Variants in ZNF638 observed in about 807,000 individuals in gnomAD.
ZNF638 encodes the protein zinc finger protein 638, also known as CTCL tumor antigen se33-1.
ZNF638 carries 46 observed loss-of-function variants against 195.6 expected under a neutral mutation model. The ratio of observed to expected loss-of-function variants is 0.24; its 90% CI spans 0.19 to 0.30. The LOEUF is 0.30. ZNF638 is among the 10% of genes least tolerant of loss of function. The pLI is 1.00. For synonymous variants in ZNF638, 845 were observed against 772.0 expected (o/e 1.09, Z -1.57); for missense variants, 2,440 against 2,325.3 (o/e 1.05, Z -1.01).
Position 71,355,714 on chromosome 2 carries a change from A to AAT in ZNF638, c.1318-3_1318-2dup, listed in dbSNP as rs1558838066. Reference sequence around the variant, plus strand: ...AATTTCAACACTTTTCTCCTTTTACAATAGGATTGGATTCAGCATCAAAAT... The same window carrying AAT: ...AATTTCAACACTTTTCTCCTTTTACAATATAGGATTGGATTCAGCATCAAAAT... On this transcript the variant is annotated splice_polypyrimidine_tract_variant and splice_region_variant and intron_variant, in intron 2 of 27. Transcript: ENST00000264447. 1 of 1,579,572 alleles carries AAT rather than the reference A, an allele frequency of 6.3e-7. No homozygotes were observed. Among genetic ancestry groups the AAT allele is most frequent in the Admixed American group, 1.8e-5 (1 of 55,650 alleles).
chr2:71,375,126 T>C (rs527608676), intron 8 of ZNF638: 1 of 152,338 alleles, frequency 6.6e-6, no homozygotes, highest in Admixed American at 6.5e-5. Context: ...GAGTAACCTA[T>C]CATCCTAGTT....
chr2:71,370,063 G>GT (rs1363584313), intron 8 of ZNF638, 58 bp downstream of exon 8: 10 of 1,554,038 alleles, frequency 6.4e-6, no homozygotes, highest in Non-Finnish European at 7.8e-6. Context: ...TAACTTTTTT[G>GT]TTTAAGTATG....
chr2:71,336,419 T>G (rs17692517), intron 1 of ZNF638, among the ~76,000 whole-genome samples: 70,853 of 147,960 alleles, frequency 0.48, 18,533 homozygotes, highest in Admixed American at 0.61. Flanking sequence ...ACACAAGTGC[T>G]TGTTAAACAA....
At chr2:71,336,207 A>G (rs543940606) in intron 1 of ZNF638, among the ~76,000 whole-genome samples, 28 of 152,246 alleles carry the variant, frequency 1.8e-4, no homozygotes, top group Middle Eastern at 3.4e-3. Flanking sequence ...CCCCGTCTCT[A>G]CTAAAAATAC....
chr2:71,401,612 G>A (rs2080006709), intron 15 of ZNF638, among the ~76,000 whole-genome samples: 1 of 151,886 alleles, frequency 6.6e-6, no homozygotes, highest in African/African-American at 2.4e-5. Flanking sequence ...ACTTGAACCT[G>A]GGAGACAGAG....
intron 8 of ZNF638, among the ~76,000 whole-genome samples, chr2:71,371,679 A>ATT (rs34316027): frequency 3.8e-5 from 5 of 133,150 alleles, no homozygotes; most frequent in African/African-American, 1.1e-4. Context: ...TCTTTTGCCC[A>ATT]TTTTTTTTTT....
chr2:71,351,807 A>T (rs1410602658), intron 2 of ZNF638, among the ~76,000 whole-genome samples: 2 of 152,188 alleles, frequency 1.3e-5, no homozygotes, highest in Admixed American at 1.3e-4. Flanking sequence ...TGCTCCCAAG[A>T]CATTTAAAAC....
intron 8 of ZNF638, among the ~76,000 whole-genome samples, chr2:71,372,182 A>G (rs1462703303): frequency 6.6e-6 from 1 of 152,110 alleles, no homozygotes; most frequent in Non-Finnish European, 1.5e-5. Context: ...CCAGCCCACT[A>G]GCTCTAATCC....
At chr2:71,363,813 AT>A in intron 4 of ZNF638, 140 bp from the exon 5 acceptor site, 1 of 992,370 alleles carries the variant, frequency 1.0e-6, no homozygotes, top group Non-Finnish European at 1.4e-6. Context: ...TAACAAACAG[AT>A]TTTTGTTTTA....
chr2:71,365,978 C>T lies in ZNF638; in HGVS notation c.1995+272C>T, dbSNP rs1256589727. Among the ~76,000 whole-genome samples, 6 of 152,274 alleles carry T rather than the reference C, an allele frequency of 3.9e-5. No individual in the cohort carries two copies. The East Asian group carries it at 1.2e-3, about 29-fold the overall frequency. ...AGGCAGTCCTTCCACGTCAGCTTCCCTAAGTGCATGAGCCACTATGCCTGG... is the reference window on the plus strand; with the variant it reads ...AGGCAGTCCTTCCACGTCAGCTTCCTTAAGTGCATGAGCCACTATGCCTGG... On this transcript the variant is annotated intron_variant, in intron 6 of 27. Coordinates refer to ENST00000264447, the MANE Select transcript of ZNF638 (RefSeq NM_014497.5).
chr2:71,355,782 T>C lies in ZNF638; in HGVS notation c.1379+2T>C. 6.4e-7 allele frequency: 1 copy of C among 1,568,472 alleles called. No individual in the cohort carries two copies. Among genetic ancestry groups the C allele is most frequent in the South Asian group, 1.2e-5 (1 of 85,388 alleles). ...GAGCTGTCGACAGTTACGTCAACAG[T>C]AAGAATATATTTTTCCTTTATTATA... On this transcript the variant is annotated splice_donor_variant, in intron 3 of 27. Coordinates refer to ENST00000264447, the MANE Select transcript of ZNF638 (RefSeq NM_014497.5). LOFTEE classifies it high-confidence loss of function.
chr2:71,398,075 G>A (rs567829766), intron 11 of ZNF638, among the ~76,000 whole-genome samples: 7 of 152,096 alleles, frequency 4.6e-5, no homozygotes, highest in Non-Finnish European at 7.4e-5. Flanking sequence ...TAGTAATTTT[G>A]CTTCTAGTTG....
At chr2:71,377,966 A>G (rs967432232) in intron 8 of ZNF638, among the ~76,000 whole-genome samples, 1 of 152,218 alleles carries the variant, frequency 6.6e-6, no homozygotes, top group Admixed American at 6.5e-5. Context: ...TTCAAGTGGA[A>G]TCCTAAGGTG....
Position 71,423,988 on chromosome 2 carries a change from G to A in ZNF638, c.4474G>A (p.Glu1492Lys), listed in dbSNP as rs756219040. ...DYRDITKQSQ[E>K]TEARPSIMKR... Reference sequence around the variant, plus strand: ...CAGAGATATAACAAAACAATCTCAGGAAACAGAGGCTAGACCTTCCATCAT... The same window carrying A: ...CAGAGATATAACAAAACAATCTCAGAAAACAGAGGCTAGACCTTCCATCAT... The change falls in exon 22 of 28, where the codon GAA becomes AAA. Residue 1492 changes from glutamate (E) to lysine (K), a missense_variant. Glu to Lys is a moderately conservative substitution (Grantham distance 56, BLOSUM62 1). Around this residue, in one of 5 missense-constraint regions of ZNF638, gnomAD observed 1,883 missense variants for 1,739.1 expected, o/e 1.08. Coordinates refer to ENST00000264447, the MANE Select transcript of ZNF638 (RefSeq NM_014497.5). 4 of 1,613,916 alleles carry A rather than the reference G, an allele frequency of 2.5e-6. No homozygotes were observed. Among genetic ancestry groups the A allele is most frequent in the Non-Finnish European group, 8.5e-7 (1 of 1,179,998 alleles).
At chr2:71,343,279 CATGTT>C (rs1189094854) in intron 1 of ZNF638, among the ~76,000 whole-genome samples, 2 of 152,138 alleles carry the variant, frequency 1.3e-5, no homozygotes, top group Non-Finnish European at 2.9e-5. Flanking sequence ...TGGTGACTGT[CATGTT>C]AGGCTCTCAG....
intron 1 of ZNF638, among the ~76,000 whole-genome samples, chr2:71,342,391 C>T (rs1244363293): frequency 6.6e-6 from 1 of 152,074 alleles, no homozygotes; most frequent in Non-Finnish European, 1.5e-5. Flanking sequence ...CCACCACCGC[C>T]CCTTGCCCCA....
Position 71,365,577 on chromosome 2 carries a change from T to C in ZNF638, c.1866T>C (p.Pro622=), listed in dbSNP as rs992309168. The part of the protein sequence containing the change: ...TSSGTKPSVK[P]TSATKSDSNL... ...GTGGAACAAAACCATCAGTTAAACC[T>C]ACAAGCGCTACAAAGAGTGATTCAA... The change falls in exon 6 of 28, where the codon CCT becomes CCC. Residue 622 remains proline (P), a synonymous_variant. Transcript: ENST00000264447. 2 of 1,614,054 alleles carry C rather than the reference T, an allele frequency of 1.2e-6. No individual in the cohort carries two copies. Among genetic ancestry groups the C allele is most frequent in the Non-Finnish European group, 1.7e-6 (2 of 1,180,028 alleles).
At chr2:71,353,439 C>T (rs1361925540) in intron 2 of ZNF638, among the ~76,000 whole-genome samples, 1 of 152,130 alleles carries the variant, frequency 6.6e-6, no homozygotes, top group Admixed American at 6.5e-5. Context: ...CTGTGCAGTC[C>T]TTGCAGCATC....
At chr2:71,371,007 C>T (rs1037951595) in intron 8 of ZNF638, among the ~76,000 whole-genome samples, 6 of 152,044 alleles carry the variant, frequency 3.9e-5, no homozygotes, top group African/African-American at 1.4e-4. Flanking sequence ...AACCATCCTT[C>T]GACTTTCTGT....
Sources: allele counts gnomAD v4.1 joint callset (sites outside exome capture counted in the v4.1 genomes callset), GRCh38; gene constraint gnomAD v4.1.1; regional missense constraint gnomAD v4.1.1; transcripts MANE v1.5; gene names NCBI Gene and HGNC (gene_info 2026-07-23, HGNC 2026-07-21).